WDPCP: variants seen among roughly 807,000 people sequenced by gnomAD.
WDPCP encodes WD repeat-containing and planar cell polarity effector protein fritz homolog.
In WDPCP, 71 loss-of-function variants were observed where a neutral mutation model predicts 93.1. The observed-to-expected ratio is 0.76, with a 90% CI of 0.63 to 0.93. The LOEUF (loss-of-function observed/expected upper bound fraction) is 0.93. Among genes scored for constraint, WDPCP ranks in the 40% least tolerant of loss-of-function variants. The probability of loss-of-function intolerance (pLI) is 0.00; values close to 1 mark genes in which losing one functional copy is unlikely to be tolerated. For missense variants in WDPCP, 844 were observed against 887.4 expected (o/e 0.95, Z 0.62); for synonymous variants, 315 against 315.0 (o/e 1.00, Z 0.00).
At chr2:63,216,733 T>A (rs1190335674) in intron 14 of WDPCP, among the ~76,000 whole-genome samples, 1 of 151,240 alleles carries the variant, frequency 6.6e-6, no homozygotes, top group Non-Finnish European at 1.5e-5. Flanking sequence ...TAAAAAAAAA[T>A]AAATAAAATA....
Position 63,248,833 on chromosome 2 carries a change from G to C in WDPCP, c.1915+10474C>G, listed in dbSNP as rs374517948. On this transcript the variant is annotated intron_variant, in intron 14 of 17. Transcript: ENST00000272321. ...TAGTAAATTTTTAAATTCAGTTATGGGACTTTTCAGTTGCTTCAGGATTTG... is the reference window on the plus strand; with the variant it reads ...TAGTAAATTTTTAAATTCAGTTATGCGACTTTTCAGTTGCTTCAGGATTTG... 9.9e-5 allele frequency among the ~76,000 whole-genome samples: 15 copies of C among 150,970 alleles called. No individual in the cohort carries two copies. The South Asian group carries it at 2.3e-3, about 23-fold the overall frequency.
At chr2:63,225,198 A>G (rs1470171475) in intron 14 of WDPCP, among the ~76,000 whole-genome samples, 2 of 152,004 alleles carry the variant, frequency 1.3e-5, no homozygotes, top group East Asian at 3.8e-4. Flanking sequence ...GAACTCTTGG[A>G]AAGTGTAAGA....
chr2:63,620,261 A>G (rs1379194131), intron 3 of WDPCP, among the ~76,000 whole-genome samples: 2 of 152,214 alleles, frequency 1.3e-5, no homozygotes, highest in African/African-American at 4.8e-5. Flanking sequence ...CCAGCAAGCT[A>G]AGACTCATTG....
At chr2:63,138,851 C>A (rs1340927481) in intron 17 of WDPCP, among the ~76,000 whole-genome samples, 1 of 152,014 alleles carries the variant, frequency 6.6e-6, no homozygotes, top group Admixed American at 6.6e-5. Context: ...CCCTCACCCC[C>A]TTCCCACTCT....
intron 2 of WDPCP, among the ~76,000 whole-genome samples, chr2:63,678,039 T>C (rs1427873075): frequency 1.3e-5 from 2 of 152,236 alleles, no homozygotes; most frequent in African/African-American, 4.8e-5. Flanking sequence ...GGAATGTGGG[T>C]TGCAAGTATT....
intron 1 of WDPCP, among the ~76,000 whole-genome samples, chr2:63,520,074 G>T (rs1702817301): frequency 6.6e-6 from 1 of 152,096 alleles, no homozygotes; most frequent in African/African-American, 2.4e-5. Context: ...CACACTACAG[G>T]AATTTCATAA....
chr2:63,156,137 C>A (rs1672233397), intron 15 of WDPCP, among the ~76,000 whole-genome samples: 1 of 151,952 alleles, frequency 6.6e-6, no homozygotes, highest in Admixed American at 6.6e-5. Flanking sequence ...GTAGCTGGGA[C>A]TACAGGCGTG....
chr2:63,607,840 A>G (rs564693432), intron 3 of WDPCP, among the ~76,000 whole-genome samples: 10 of 151,988 alleles, frequency 6.6e-5, no homozygotes, highest in African/African-American at 1.9e-4. Context: ...AAAAAAAAAA[A>G]AAGAAGAAAA....
chr2:63,222,825 T>C (rs932815239), intron 14 of WDPCP, among the ~76,000 whole-genome samples: 5 of 152,186 alleles, frequency 3.3e-5, no homozygotes, highest in Admixed American at 3.3e-4. Context: ...TTATCTCTTC[T>C]CTATAAAGTT....
intron 2 of WDPCP, chr2:63,684,451 C>A (rs1041823172): frequency 8.4e-6 from 7 of 836,946 alleles, no homozygotes; most frequent in Non-Finnish European, 1.0e-5. Context: ...TTGACTGCTA[C>A]CCCCGCAAAG....
intron 9 of WDPCP, among the ~76,000 whole-genome samples, chr2:63,408,549 T>C (rs1694776772): frequency 6.6e-6 from 1 of 152,096 alleles, no homozygotes; most frequent in Non-Finnish European, 1.5e-5. Context: ...CTAGCTGAAC[T>C]GTGTAACAAT....
intron 6 of WDPCP, among the ~76,000 whole-genome samples, chr2:63,471,717 G>A (rs1000753827): frequency 4.6e-5 from 7 of 151,954 alleles, no homozygotes; most frequent in African/African-American, 1.5e-4. Flanking sequence ...CCCCTATTTG[G>A]ACTAGCTGCT....
chr2:63,697,709 G>T (rs1302853562), intron 2 of WDPCP, among the ~76,000 whole-genome samples: 1 of 152,054 alleles, frequency 6.6e-6, no homozygotes, highest in South Asian at 2.1e-4. Flanking sequence ...GTGCAGTGGC[G>T]TGATCTTGGC....
rs537900319 is a variant in WDPCP, at chr2:63,637,139, G to C, written n.488+13520C>G. Reference sequence around the variant, plus strand: ...TAGGCCAAAGAGGGTGGATCATGAGGTCAGGAGTTCAAGACCAGCCTGGCC... The same window carrying C: ...TAGGCCAAAGAGGGTGGATCATGAGCTCAGGAGTTCAAGACCAGCCTGGCC... On this transcript the variant is annotated intron_variant and non_coding_transcript_variant, in intron 3 of 4. Coordinates refer to the WDPCP transcript ENST00000467687. Among the ~76,000 whole-genome samples the C allele has an allele frequency of 3.3e-4, 50 of 152,236 alleles. 1 individual carries two copies. In the South Asian group the frequency reaches 8.3e-3, roughly 25 times the overall value.
intron 14 of WDPCP, among the ~76,000 whole-genome samples, chr2:63,221,474 C>A (rs1437707693): frequency 6.6e-6 from 1 of 152,260 alleles, no homozygotes; most frequent in African/African-American, 2.4e-5. Context: ...AGCACATCTA[C>A]CACTATCAGG....
At position 63,433,908 on chromosome 2, in the gene WDPCP, A is replaced by G; in HGVS notation, c.662T>C (p.Ile221Thr). 6.2e-7 allele frequency: 1 copy of G among 1,613,926 alleles called. No homozygotes were observed. Among genetic ancestry groups the G allele is most frequent in the South Asian group, 1.1e-5 (1 of 91,064 alleles). The change falls in exon 9 of 18, where the codon ATA (isoleucine) becomes ACA (threonine). Residue 221 changes from isoleucine (I) to threonine (T), a missense_variant. Ile to Thr is a moderately conservative substitution (Grantham distance 89, BLOSUM62 -1). Coordinates refer to ENST00000272321, the MANE Select transcript of WDPCP (RefSeq NM_015910.7). ...TAGATGTCGCTCTGTTGTCTTGTTT[A>G]TTGGGCCGGGTATTTCATAATAGAA... is the stretch of plus-strand genomic sequence containing the variant. ...KIFYYEIPGPINKTTERHLAI... is the reference protein window; with the variant it reads ...KIFYYEIPGPTNKTTERHLAI...
At chr2:63,303,256 C>G (rs1420209628) in intron 13 of WDPCP, among the ~76,000 whole-genome samples, 1 of 152,132 alleles carries the variant, frequency 6.6e-6, no homozygotes, top group East Asian at 1.9e-4. Flanking sequence ...GGCCCTCCTT[C>G]TTGACTAAGC....
At chr2:63,794,501 A>G (rs544095199) in intron 2 of WDPCP, among the ~76,000 whole-genome samples, 2 of 152,322 alleles carry the variant, frequency 1.3e-5, no homozygotes, top group East Asian at 3.9e-4. Context: ...CACTCTTAAA[A>G]AGGGATGGCA....
chr2:63,607,606 G>A (rs557132123), intron 3 of WDPCP, among the ~76,000 whole-genome samples: 50 of 151,766 alleles, frequency 3.3e-4, no homozygotes, highest in Non-Finnish European at 5.7e-4. Context: ...AGAGGCGGGC[G>A]GATCACTACG....
Sources: gnomAD v4.1 joint callset for allele counts (sites outside exome capture counted in the v4.1 genomes callset) on GRCh38, gnomAD v4.1.1 for gene constraint, MANE v1.5 for transcripts, NCBI Gene and HGNC (gene_info 2026-07-23, HGNC 2026-07-21) for gene names.